Variants in MVB12A observed in about 807,000 individuals in gnomAD.
MVB12A encodes CIN85/CD2AP family binding protein.
MVB12A carries 30 observed loss-of-function variants against 34.3 expected under a neutral mutation model. The observed-to-expected ratio is 0.88, with a 90% confidence interval of 0.65 to 1.19. MVB12A has a LOEUF of 1.19. Among genes scored for constraint, MVB12A ranks in the 50% most tolerant of loss-of-function variants. MVB12A has a pLI of 0.00. For missense variants in MVB12A, 355 were observed against 369.2 expected (o/e 0.96, Z 0.31); for synonymous variants, 158 against 158.9 (o/e 0.99, Z 0.04).
At chr19:17,409,797 G>C (rs991418880) in intron 2 of MVB12A, among the ~76,000 whole-genome samples, 1 of 151,158 alleles carries the variant, frequency 6.6e-6, no homozygotes, top group Non-Finnish European at 1.5e-5. Flanking sequence ...TGTCTCTCAG[G>C]CTGGGGTGCA....
intron 3 of MVB12A, 92 bp from the exon 4 acceptor site, chr19:17,422,240 A>T: frequency 7.6e-7 from 1 of 1,313,544 alleles, no homozygotes; most frequent in Non-Finnish European, 1.1e-6. Flanking sequence ...TGCCTTAAAC[A>T]GCACCCTGGC....
At chr19:17,408,387 A>AAT (rs958111214) in intron 2 of MVB12A, among the ~76,000 whole-genome samples, 142 of 149,280 alleles carry the variant, frequency 9.5e-4, no homozygotes, top group Middle Eastern at 3.5e-3. Context: ...TTTAAAAATA[A>AAT]ATATATATAT....
chr19:17,408,509 C>T (rs1438451949), intron 2 of MVB12A, among the ~76,000 whole-genome samples: 1 of 150,648 alleles, frequency 6.6e-6, no homozygotes, highest in Non-Finnish European at 1.5e-5. Flanking sequence ...TGCAGTGGCA[C>T]GATCTTGGCT....
In MVB12A at chr19:17,425,003, C is replaced by A. The variant is rs748991291; in HGVS notation, c.*10C>A. 58 of 1,586,328 alleles carry A rather than the reference C, an allele frequency of 3.7e-5. 1 individual carries two copies. The highest frequency in any genetic ancestry group is 1.7e-4 in the Middle Eastern group (1 of 5,984). Reference sequence around the variant, plus strand: ...CCCCAGCGTCTCATAGTCCCTCACCCTTCCGCGGAAAGAGCCCCCTTACTC... The same window carrying A: ...CCCCAGCGTCTCATAGTCCCTCACCATTCCGCGGAAAGAGCCCCCTTACTC... On this transcript the variant is annotated 3_prime_UTR_variant, in exon 9 of 9. Transcript: ENST00000317040.
At chr19:17,424,418 T>C (rs926883803) in intron 7 of MVB12A, among the ~76,000 whole-genome samples, 3 of 151,824 alleles carry the variant, frequency 2.0e-5, no homozygotes, top group Non-Finnish European at 2.9e-5. Context: ...CTCGTCTCTA[T>C]TGAAAATACA....
In MVB12A at chr19:17,412,756, A is replaced by G. The variant is rs114944056; in HGVS notation, c.-5+6460A>G. Among the ~76,000 whole-genome samples the G allele has an allele frequency of 2.2e-3, 334 of 152,362 alleles. 1 individual carries two copies. Among genetic ancestry groups the G allele is most frequent in the African/African-American group, 7.8e-3 (324 of 41,584 alleles). On this transcript the variant is annotated intron_variant, in intron 2 of 6. Transcript: ENST00000528604. ...ATTAGTGTCCAGGGAAACTGAAACT[A>G]TAGCTATACCTAAGATAAACATTTG...
intron 2 of MVB12A, among the ~76,000 whole-genome samples, chr19:17,409,365 AAG>A: frequency 4.6e-5 from 7 of 151,468 alleles, no homozygotes; most frequent in African/African-American, 1.7e-4. Flanking sequence ...TCCCGACCTC[AAG>A]GGATCCACCC....
chr19:17,420,015 G>GGC (rs1555735862), upstream of MVB12A: 2,486 of 224,984 alleles, frequency 0.011, 68 homozygotes, highest in Admixed American at 0.023. Context: ...GGCAATCTCC[G>GGC]CCCCCCCCCC....
At chr19:17,424,781 A>T in intron 8 of MVB12A, 104 bp downstream of exon 8, 1 of 1,458,764 alleles carries the variant, frequency 6.9e-7, no homozygotes, top group African/African-American at 1.4e-5. Flanking sequence ...AGTTTTCCCC[A>T]TCCCCGCTTT....
rs1276457227 is a variant in MVB12A, at chr19:17,420,525, C to T, written c.190-13C>T. 6.2e-7 allele frequency: 1 copy of T among 1,607,376 alleles called. No individual in the cohort carries two copies. The highest frequency in any genetic ancestry group is 8.5e-7 in the Non-Finnish European group (1 of 1,173,860). On this transcript the variant is annotated splice_polypyrimidine_tract_variant and intron_variant, in intron 2 of 8. Transcript: ENST00000317040. ...TGCTAGCCACCCTCGCCGTGTCCCC[C>T]TTCCACCCCCAGAACCCGCAGGAGA...
At chr19:17,422,540 CT>C in intron 4 of MVB12A, 82 bp downstream of exon 4, 1 of 1,344,410 alleles carries the variant, frequency 7.4e-7, no homozygotes, top group East Asian at 2.4e-5. Context: ...AAGGACACCC[CT>C]GAGGTCTCCT....
upstream of MVB12A, chr19:17,419,654 C>G (rs1333977539): frequency 6.5e-6 from 1 of 152,702 alleles, no homozygotes; most frequent in Admixed American, 6.5e-5. Flanking sequence ...GATCTCTTGA[C>G]CTCATGATCC....
At chr19:17,415,573 T>G (rs1198722390), upstream of MVB12A, 1 of 152,294 alleles carries the variant, frequency 6.6e-6, no homozygotes, top group Non-Finnish European at 1.5e-5. Context: ...TTTTTGATTC[T>G]TGCATGTTTT....
At chr19:17,420,699 A>C in intron 3 of MVB12A, 65 bp downstream of exon 3, 2 of 1,192,818 alleles carry the variant, frequency 1.7e-6, no homozygotes. Flanking sequence ...GGGAGGAGGG[A>C]CGACGGGCGC....
At chr19:17,408,829 C>CTTTTTTTTTTTTTTTTTTTTTTTTTA (rs60162893) in intron 2 of MVB12A, among the ~76,000 whole-genome samples, 1 of 120,708 alleles carries the variant, frequency 8.3e-6, no homozygotes, top group African/African-American at 3.2e-5. Flanking sequence ...TCTGCCATTA[C>CTTTTTTTTTTTTTTTTTTTTTTTTTA]TTTTTTTTTT....
intron 3 of MVB12A, chr19:17,420,966 GC>G: frequency 1.9e-6 from 1 of 525,704 alleles, no homozygotes; most frequent in Non-Finnish European, 3.7e-6. Context: ...TCCAGGCTTT[GC>G]ACACGCCGCT....
rs1478996123 is a variant in MVB12A, at chr19:17,425,183, G to A, written c.*190G>A. ...GGAGGAGGGGGCGGGTCGAGGCTGCGTGGTGATGGGGTCTCCGCCCCCACG... is the reference window on the plus strand; with the variant it reads ...GGAGGAGGGGGCGGGTCGAGGCTGCATGGTGATGGGGTCTCCGCCCCCACG... On this transcript the variant is annotated 3_prime_UTR_variant, in exon 9 of 9. Transcript: ENST00000317040. 1 of 551,410 alleles carries A rather than the reference G, an allele frequency of 1.8e-6. No individual in the cohort carries two copies. The allele number at this position is 551,410 out of a possible 1,614,324, so 34.2% of individuals were successfully genotyped here.
chr19:17,421,526 A>G (rs1439435498), intron 3 of MVB12A, among the ~76,000 whole-genome samples: 1 of 152,092 alleles, frequency 6.6e-6, no homozygotes, highest in Admixed American at 6.6e-5. Context: ...GCAAACTTTT[A>G]TGTAAAGGGC....
In MVB12A at chr19:17,424,002, T is replaced by A. The variant is rs763486856; in HGVS notation, c.641-4T>A. ...CACCTCCTCCCCTCGCACGTGTTTT[T>A]CAGCCATGGATGGGGTTCCCTTCAC... On this transcript the variant is annotated splice_region_variant and splice_polypyrimidine_tract_variant and intron_variant, in intron 6 of 8. Coordinates refer to ENST00000317040, the MANE Select transcript of MVB12A (RefSeq NM_138401.4). 3.0e-5 allele frequency: 49 copies of A among 1,614,022 alleles called. No homozygotes were observed. Among genetic ancestry groups the A allele is most frequent in the Non-Finnish European group, 4.1e-5 (48 of 1,180,038 alleles).
Sources: allele counts gnomAD v4.1 joint callset (sites outside exome capture counted in the v4.1 genomes callset), GRCh38; gene constraint gnomAD v4.1.1; transcripts MANE v1.5; gene names NCBI Gene and HGNC (gene_info 2026-07-23, HGNC 2026-07-21).